The following PTPN12 variants were observed in gnomAD, a reference collection of about 807,000 sequenced individuals.
PTPN12 encodes the protein tyrosine-protein phosphatase non-receptor type 12.
A neutral mutation model predicts 97.6 loss-of-function variants in PTPN12; 29 were observed. The ratio of observed to expected loss-of-function variants is 0.30; its 90% CI spans 0.22 to 0.41. PTPN12 has a LOEUF of 0.41. Ranked by LOEUF, PTPN12 falls within the 10% of genes least tolerant of loss-of-function variation. PTPN12 has a pLI of 1.00. For missense variants in PTPN12, 819 were observed against 926.0 expected, an observed-to-expected ratio of 0.88 and a Z score of 1.50; for synonymous variants, 327 against 300.4, an observed-to-expected ratio of 1.09 and a Z score of -0.91.
Position 77,639,209 on chromosome 7 carries a change from T to C in PTPN12, c.2282-10T>C, listed in dbSNP as rs1243360528. The C allele has an allele frequency of 3.7e-6, 6 of 1,606,604 alleles. No homozygotes were observed. In the African/African-American group the frequency reaches 4.0e-5, roughly 11 times the overall value. ...AACACTGACTAGTTATTGTGGTGTT[T>C]TCACTGTAGGTTTTGGTAATCGATG... On this transcript the variant is annotated splice_polypyrimidine_tract_variant and intron_variant, in intron 17 of 17. Coordinates refer to ENST00000248594, the MANE Select transcript of PTPN12 (RefSeq NM_002835.4).
At chr7:77,569,174 GTTT>G (rs1478765827) in intron 1 of PTPN12, among the ~76,000 whole-genome samples, 2 of 152,088 alleles carry the variant, frequency 1.3e-5, no homozygotes, top group African/African-American at 4.8e-5. Context: ...TTTGTTAATA[GTTT>G]TTCTTCCAGA....
intron 4 of PTPN12, among the ~76,000 whole-genome samples, chr7:77,584,108 G>A (rs1201174784): frequency 6.6e-6 from 1 of 152,144 alleles, no homozygotes; most frequent in Non-Finnish European, 1.5e-5. Flanking sequence ...TGGATGAAGG[G>A]AAATAATATG....
intron 1 of PTPN12, among the ~76,000 whole-genome samples, chr7:77,559,920 A>G (rs954746030): frequency 6.6e-6 from 1 of 152,218 alleles, no homozygotes; most frequent in Non-Finnish European, 1.5e-5. Flanking sequence ...TAAAATGTGT[A>G]AACATGATGG....
intron 1 of PTPN12, among the ~76,000 whole-genome samples, chr7:77,569,456 T>C (rs1371505613): frequency 6.6e-6 from 1 of 152,174 alleles, no homozygotes; most frequent in Non-Finnish European, 1.5e-5. Flanking sequence ...TTTCTTTGAT[T>C]GTAGTTTTTT....
chr7:77,617,168 C>T (rs920444669), intron 11 of PTPN12, among the ~76,000 whole-genome samples: 5 of 152,054 alleles, frequency 3.3e-5, no homozygotes, highest in Admixed American at 1.3e-4. Context: ...TCCTGATTTG[C>T]GTGAGGCACA....
intron 1 of PTPN12, among the ~76,000 whole-genome samples, chr7:77,556,470 C>T (rs541030091): frequency 1.3e-5 from 2 of 152,244 alleles, no homozygotes; most frequent in African/African-American, 2.4e-5. Context: ...ATTTCCCTTA[C>T]CTCATGTAAA....
intron 15 of PTPN12, among the ~76,000 whole-genome samples, chr7:77,636,294 T>A (rs1053516854): frequency 6.6e-6 from 1 of 151,990 alleles, no homozygotes; most frequent in Non-Finnish European, 1.5e-5. Flanking sequence ...CAATTAAATA[T>A]TTTGAGGGCG....
chr7:77,629,554 C>CTT (rs373775665), intron 13 of PTPN12, among the ~76,000 whole-genome samples: 3 of 144,724 alleles, frequency 2.1e-5, no homozygotes, highest in African/African-American at 7.6e-5. Flanking sequence ...TGTTCTTTTG[C>CTT]TTTTTTTTTT....
intron 13 of PTPN12, among the ~76,000 whole-genome samples, chr7:77,629,939 CAAAAAAAAA>C (rs1168132976): frequency 3.0e-5 from 3 of 98,888 alleles, no homozygotes; most frequent in Admixed American, 1.1e-4. Flanking sequence ...GACCCTGTCT[CAAAAAAAAA>C]AAAAAAAAAA....
Position 77,627,505 on chromosome 7 carries a change from A to G in PTPN12, c.1826A>G (p.Asp609Gly). Reference sequence around the variant, plus strand: ...CTTCACTCTGATGACTCAGACTCAGATGAAAGAAACTCTGATGGTGCTGTG... The same window carrying G: ...CTTCACTCTGATGACTCAGACTCAGGTGAAAGAAACTCTGATGGTGCTGTG... Reference protein sequence around the residue: ...NPLHSDDSDSDERNSDGAVTQ... With the variant: ...NPLHSDDSDSGERNSDGAVTQ... Residue 609 changes from aspartate to glycine, a missense_variant, in exon 13 of 18, where the codon GAT (aspartate) becomes GGT (glycine). Coordinates refer to ENST00000248594, the MANE Select transcript of PTPN12 (RefSeq NM_002835.4). 2 of 1,614,034 alleles carry G rather than the reference A, an allele frequency of 1.2e-6. No individual in the cohort carries two copies. Among genetic ancestry groups the G allele is most frequent in the Non-Finnish European group, 1.7e-6 (2 of 1,179,934 alleles).
intron 1 of PTPN12, among the ~76,000 whole-genome samples, chr7:77,567,238 T>A (rs2151314667): frequency 6.6e-6 from 1 of 151,004 alleles, no homozygotes; most frequent in East Asian, 1.9e-4. Context: ...CAGATCTTAA[T>A]CTGGTGGTAA....
At chr7:77,604,870 C>T in intron 8 of PTPN12, 1 of 432,152 alleles carries the variant, frequency 2.3e-6, no homozygotes, top group Non-Finnish European at 4.7e-6. Flanking sequence ...TTTTGCTCTT[C>T]ATTGATAGCT....
intron 5 of PTPN12, among the ~76,000 whole-genome samples, chr7:77,590,453 G>T (rs151033687): frequency 6.6e-6 from 1 of 152,266 alleles, no homozygotes; most frequent in African/African-American, 2.4e-5. Flanking sequence ...GCTCACACCT[G>T]TAATCCCAGC....
At chr7:77,622,822 A>G (rs964488214) in intron 12 of PTPN12, among the ~76,000 whole-genome samples, 2 of 151,944 alleles carry the variant, frequency 1.3e-5, no homozygotes, top group African/African-American at 4.8e-5. Context: ...AAAATTAAGC[A>G]GAAGTTTGGA....
chr7:77,586,344 G>C (rs898428156), intron 5 of PTPN12, among the ~76,000 whole-genome samples: 3 of 152,204 alleles, frequency 2.0e-5, no homozygotes, highest in Admixed American at 6.5e-5. Flanking sequence ...TGCTGGTAAA[G>C]GGTTTTGTTG....
intron 11 of PTPN12, among the ~76,000 whole-genome samples, chr7:77,615,559 C>A (rs894460888): frequency 6.6e-6 from 1 of 152,196 alleles, no homozygotes; most frequent in African/African-American, 2.4e-5. Flanking sequence ...CCTGCCAGGG[C>A]GACAAAGCGA....
intron 13 of PTPN12, among the ~76,000 whole-genome samples, chr7:77,628,110 T>C (rs1789267349): frequency 6.6e-6 from 1 of 152,206 alleles, no homozygotes; most frequent in East Asian, 1.9e-4. Context: ...ACTGTTCCTT[T>C]AACTACAGAT....
Position 77,626,557 on chromosome 7 carries a change from C to T in PTPN12, c.1026-148C>T, listed in dbSNP as rs1789186613. On this transcript the variant is annotated intron_variant, in intron 12 of 17. Coordinates refer to ENST00000248594, the MANE Select transcript of PTPN12 (RefSeq NM_002835.4). ...AGTATATGTGTATTACCTTGATGAA[C>T]ATTAAATTTTCTTAGTCTGAAAAAC... The T allele has an allele frequency of 6.8e-6, 5 of 737,240 alleles. No individual in the cohort carries two copies. In the South Asian group the frequency reaches 9.0e-5, roughly 13 times the overall value. The allele number at this position is 737,240 out of a possible 1,614,324, so 45.7% of individuals were successfully genotyped here.
intron 1 of PTPN12, among the ~76,000 whole-genome samples, chr7:77,549,438 G>T (rs904922036): frequency 3.3e-5 from 5 of 152,058 alleles, no homozygotes; most frequent in Non-Finnish European, 7.4e-5. Context: ...AAATTTTAAG[G>T]TTTCTGTGTA....
Sources: allele counts gnomAD v4.1 joint callset (sites outside exome capture counted in the v4.1 genomes callset), GRCh38; gene constraint gnomAD v4.1.1; transcripts MANE v1.5; gene names NCBI Gene and HGNC (gene_info 2026-07-23, HGNC 2026-07-21).